Variants in SLC1A2 observed in about 807,000 individuals in gnomAD.
SLC1A2 encodes solute carrier family 1 member 2, also known as excitatory amino acid transporter 2.
SLC1A2 carries 15 observed loss-of-function variants against 48.8 expected under a neutral mutation model. The ratio of observed to expected loss-of-function variants is 0.31; its 90% CI spans 0.21 to 0.47. The LOEUF is 0.47. Ranked by LOEUF, SLC1A2 falls within the 20% of genes least tolerant of loss-of-function variation. The pLI, the probability that SLC1A2 is intolerant of heterozygous loss-of-function variation, is 0.99. For synonymous variants in SLC1A2, 279 were observed against 272.6 expected (o/e 1.02, Z -0.23); for missense variants, 502 against 730.5 (o/e 0.69, Z 3.61).
At chr11:35,376,879 A>T (rs925699631) in intron 1 of SLC1A2, among the ~76,000 whole-genome samples, 2 of 152,066 alleles carry the variant, frequency 1.3e-5, no homozygotes, top group Non-Finnish European at 2.9e-5. Context: ...AATTTCCTCA[A>T]CCCCTGCACA....
At chr11:35,343,951 CA>C (rs958259171) in intron 1 of SLC1A2, among the ~76,000 whole-genome samples, 1 of 152,070 alleles carries the variant, frequency 6.6e-6, no homozygotes, top group African/African-American at 2.4e-5. Flanking sequence ...ATTACAATGT[CA>C]GGTGATCATT....
At position 35,317,430 on chromosome 11, in the gene SLC1A2, A is replaced by G. The variant is rs1381697417; in HGVS notation, c.104T>C (p.Leu35Pro). The G allele has an allele frequency of 6.2e-7, 1 of 1,614,194 alleles. No individual in the cohort carries two copies. Among genetic ancestry groups the G allele is most frequent in the Admixed American group, 1.7e-5 (1 of 60,028 alleles). ...SEEPKHRHLG[L>P]RLCDKLGKNL... Reference sequence around the variant, plus strand: ...CTTCCCCAGCTTGTCACACAGGCGCAGGCCCAGGTGCCGGTGCTTGGGTTC... The same window carrying G: ...CTTCCCCAGCTTGTCACACAGGCGCGGGCCCAGGTGCCGGTGCTTGGGTTC... Residue 35 changes from leucine to proline, a missense_variant, in exon 2 of 11, where the codon CTG (leucine) becomes CCG (proline). Physicochemically the swap from Leu to Pro is moderately conservative, Grantham distance 98. Around this residue, in one of 4 missense-constraint regions of SLC1A2, gnomAD observed 89 missense variants for 119.7 expected, o/e 0.74. Transcript: ENST00000278379.
intron 1 of SLC1A2, chr11:35,380,621 ACCCCT>A (rs1854391009): frequency 2.6e-6 from 1 of 389,964 alleles, no homozygotes; most frequent in Non-Finnish European, 4.5e-6. Context: ...TCCATCAGGA[ACCCCT>A]CATCTCTTCT....
chr11:35,324,184 G>A (rs1350684118), intron 1 of SLC1A2, among the ~76,000 whole-genome samples: 1 of 152,248 alleles, frequency 6.6e-6, no homozygotes, highest in East Asian at 1.9e-4. Flanking sequence ...AGCCAGTGGA[G>A]CCTTCAGGTG....
At chr11:35,387,469 ACCTTCCC>A (rs1310389216) in intron 1 of SLC1A2, among the ~76,000 whole-genome samples, 8 of 152,146 alleles carry the variant, frequency 5.3e-5, no homozygotes, top group African/African-American at 1.9e-4. Flanking sequence ...AAGCCATATT[ACCTTCCC>A]CTGGAGAGTA....
chr11:35,283,496 G>A (rs980064664), intron 8 of SLC1A2, among the ~76,000 whole-genome samples: 3 of 152,090 alleles, frequency 2.0e-5, no homozygotes, highest in Non-Finnish European at 2.9e-5. Context: ...CTCATCTTTT[G>A]TCAAGTGAAA....
intron 1 of SLC1A2, among the ~76,000 whole-genome samples, chr11:35,361,587 C>A (rs1425633057): frequency 2.6e-5 from 4 of 152,078 alleles, no homozygotes; most frequent in Non-Finnish European, 5.9e-5. Flanking sequence ...TCATGGCAAT[C>A]CTTTAGGTTA....
intron 4 of SLC1A2, among the ~76,000 whole-genome samples, chr11:35,311,617 A>G (rs1313557433): frequency 6.6e-6 from 1 of 152,176 alleles, no homozygotes; most frequent in Non-Finnish European, 1.5e-5. Context: ...TAAAATTTTC[A>G]TAATCTGCAT....
chr11:35,312,813 GT>G (rs57075504), intron 3 of SLC1A2, among the ~76,000 whole-genome samples: 2 of 151,862 alleles, frequency 1.3e-5, no homozygotes, highest in Non-Finnish European at 2.9e-5. Flanking sequence ...TTTTTTATTA[GT>G]TTTTTTTCTC....
At chr11:35,365,007 T>C (rs1853794520) in intron 1 of SLC1A2, among the ~76,000 whole-genome samples, 1 of 152,064 alleles carries the variant, frequency 6.6e-6, no homozygotes, top group Non-Finnish European at 1.5e-5. Flanking sequence ...CGTTTTAGAG[T>C]AAGACTGTGA....
In SLC1A2 at chr11:35,399,124, T is replaced by C. The variant is rs183402726; in HGVS notation, c.17+19826A>G. On this transcript the variant is annotated intron_variant, in intron 1 of 10. Coordinates refer to ENST00000278379, the MANE Select transcript of SLC1A2 (RefSeq NM_004171.4). ...AAATGTTTGGTTTGGAATCTGTTCC[T>C]ACCAGTCTGGAAAAAGCAAGCCTAC... Among the ~76,000 whole-genome samples the C allele has an allele frequency of 1.8e-3, 273 of 152,334 alleles. 1 individual carries two copies. The highest frequency in any genetic ancestry group is 6.4e-3 in the African/African-American group (265 of 41,576).
intron 1 of SLC1A2, among the ~76,000 whole-genome samples, chr11:35,406,261 T>C (rs1855289976): frequency 6.6e-6 from 1 of 152,128 alleles, no homozygotes. Flanking sequence ...GCTTACTGAG[T>C]GCACTGCATT....
At chr11:35,345,586 CG>C (rs956380740) in intron 1 of SLC1A2, among the ~76,000 whole-genome samples, 12 of 152,042 alleles carry the variant, frequency 7.9e-5, no homozygotes, top group African/African-American at 2.9e-4. Flanking sequence ...AGGCAGAAGA[CG>C]GGGAGCTGAA....
intron 1 of SLC1A2, among the ~76,000 whole-genome samples, chr11:35,373,135 G>C (rs1436402705): frequency 3.3e-5 from 5 of 152,214 alleles, no homozygotes; most frequent in African/African-American, 1.2e-4. Context: ...TGGGGCACTG[G>C]GGCACCTTCT....
chr11:35,335,064 C>T (rs982064171), intron 1 of SLC1A2, among the ~76,000 whole-genome samples: 2 of 152,106 alleles, frequency 1.3e-5, no homozygotes, highest in African/African-American at 2.4e-5. Context: ...CTGAAAGAAC[C>T]TGATACTTTA....
chr11:35,314,633 A>C (rs1440753740), intron 3 of SLC1A2, among the ~76,000 whole-genome samples: 1 of 151,850 alleles, frequency 6.6e-6, no homozygotes, highest in Non-Finnish European at 1.5e-5. Context: ...GAATCGCTTG[A>C]ACCCACGAGG....
At chr11:35,395,605 C>T (rs1419292485) in intron 1 of SLC1A2, among the ~76,000 whole-genome samples, 1 of 151,890 alleles carries the variant, frequency 6.6e-6, no homozygotes, top group East Asian at 1.9e-4. Flanking sequence ...TCCGAATATA[C>T]CTGAGCCACA....
intron 4 of SLC1A2, 46 bp from the exon 5 acceptor site, chr11:35,306,288 T>C (rs549068013): frequency 3.6e-5 from 53 of 1,457,210 alleles, no homozygotes; most frequent in South Asian, 2.6e-4. Flanking sequence ...ATTTGGCCTA[T>C]AAGGTGAAAA....
chr11:35,365,587 C>G (rs1222499248), intron 1 of SLC1A2, among the ~76,000 whole-genome samples: 2 of 95,950 alleles, frequency 2.1e-5, no homozygotes, highest in African/African-American at 9.9e-5. Context: ...TCCTTTAAAA[C>G]CCCGCTCTGC....
Sources: allele counts gnomAD v4.1 joint callset (sites outside exome capture counted in the v4.1 genomes callset), GRCh38; gene constraint gnomAD v4.1.1; regional missense constraint gnomAD v4.1.1; transcripts MANE v1.5; gene names NCBI Gene and HGNC (gene_info 2026-07-23, HGNC 2026-07-21).